Variants in SFT2D2 observed in about 807,000 individuals in gnomAD.
SFT2D2 encodes SFT2 domain containing 2.
In SFT2D2, 21 loss-of-function variants were observed where a neutral mutation model predicts 27.4. The observed-to-expected ratio is 0.77, with a 90% CI of 0.54 to 1.10. The LOEUF is 1.10. SFT2D2 is among the 50% of genes least tolerant of loss of function. The pLI is 0.00. For missense variants in SFT2D2, 187 were observed against 194.2 expected (o/e 0.96, Z 0.22); for synonymous variants, 72 against 71.7 (o/e 1.00, Z -0.02).
At chr1:168,226,492 C>G (rs1222632171) in intron 1 of SFT2D2, among the ~76,000 whole-genome samples, 2 of 152,112 alleles carry the variant, frequency 1.3e-5, no homozygotes, top group African/African-American at 2.4e-5. Flanking sequence ...CTGGGGGCCC[C>G]GAGGTCCAGG....
At position 168,245,254 on chromosome 1, in the gene SFT2D2, C is replaced by T. The variant is rs1311579514; in HGVS notation, c.*2714C>T. On this transcript the variant is annotated 3_prime_UTR_variant, in exon 8 of 8. Transcript: ENST00000271375. The stretch of plus-strand genomic sequence containing the variant: ...TACTGAAACCAGCAAGTGAGTTTCG[C>T]AACACAGCAGGATATATAATTGATA... The T allele has an allele frequency of 4.6e-5, 7 of 152,122 alleles. No individual in the cohort carries two copies. Among genetic ancestry groups the T allele is most frequent in the Admixed American group, 4.6e-4 (7 of 15,278 alleles). 9.4% of individuals were successfully genotyped at this position (152,122 alleles called of 1,614,324 possible).
rs1647780895 is a variant in SFT2D2 at position 168,245,382 on chromosome 1, G to A, written c.*2842G>A. On this transcript the variant is annotated 3_prime_UTR_variant, in exon 8 of 8. Transcript: ENST00000271375. ...ATAGCATTAAAATATAAAATTCTTG[G>A]GAATAAACCCGACAAACTATGTGGA... 1 of 151,838 alleles carries A rather than the reference G, an allele frequency of 6.6e-6. No individual in the cohort carries two copies. The highest frequency in any genetic ancestry group is 2.1e-4 in the South Asian group (1 of 4,814). 9.4% of individuals were successfully genotyped at this position (151,838 alleles called of 1,614,324 possible). A position where few individuals can be genotyped will look rare whatever the true frequency, so the allele number is the denominator to read the frequency against.
chr1:168,246,429 T>TG lies in SFT2D2; in HGVS notation c.*3890dup. On this transcript the variant is annotated 3_prime_UTR_variant, in exon 8 of 8. Transcript: ENST00000271375. ...GTACATTTTTTCAATGTCCTTCATT[T>TG]GACACCGTTTGGTTTAGCTCTCTTT... The TG allele has an allele frequency of 9.6e-7, 1 of 1,037,302 alleles. No individual in the cohort carries two copies. Among genetic ancestry groups the TG allele is most frequent in the Non-Finnish European group, 1.3e-6 (1 of 746,396 alleles). 64.3% of individuals were successfully genotyped at this position (1,037,302 alleles called of 1,614,324 possible).
intron 6 of SFT2D2, 54 bp downstream of exon 6, chr1:168,236,824 C>G: frequency 6.4e-7 from 1 of 1,570,082 alleles, no homozygotes; most frequent in Non-Finnish European, 8.8e-7. Context: ...ATAATGTAGC[C>G]AAAGGAGATA....
intron 1 of SFT2D2, among the ~76,000 whole-genome samples, chr1:168,226,463 G>T (rs374804003): frequency 6.6e-6 from 1 of 152,212 alleles, no homozygotes; most frequent in Admixed American, 6.5e-5. Context: ...CGGGGAATGC[G>T]CTTTAGGGCC....
At position 168,235,232 on chromosome 1, in the gene SFT2D2, A is replaced by G. The variant is rs1314880427; in HGVS notation, c.318+50A>G. 3 of 1,531,650 alleles carry G rather than the reference A, an allele frequency of 2.0e-6. No individual in the cohort carries two copies. The Admixed American group carries it at 5.1e-5, about 26-fold the overall frequency. 94.9% of individuals were successfully genotyped at this position (1,531,650 alleles called of 1,614,324 possible). On this transcript the variant is annotated intron_variant, in intron 4 of 7. Transcript: ENST00000271375. ...TTCTCAGATGGGAGTTTTTATTTCT[A>G]TTGTATAGGATGTTTTTCTTTTTAA... is the stretch of plus-strand genomic sequence containing the variant.
chr1:168,245,516 C>G lies in SFT2D2; in HGVS notation c.*2976C>G, dbSNP rs995131897. On this transcript the variant is annotated 3_prime_UTR_variant, in exon 8 of 8. Coordinates refer to ENST00000271375, the MANE Select transcript of SFT2D2 (RefSeq NM_199344.3). ...AACATTGTTGATGTTAATTCTTTCC[C>G]ATATTAATCTATAGATATAATGCAG... is the stretch of plus-strand genomic sequence containing the variant. The G allele has an allele frequency of 1.3e-5, 2 of 149,476 alleles. No homozygotes were observed. The highest frequency in any genetic ancestry group is 3.0e-5 in the Non-Finnish European group (2 of 67,684). 9.3% of individuals were successfully genotyped at this position (149,476 alleles called of 1,614,324 possible).
At chr1:168,236,685 C>G in intron 5 of SFT2D2, 27 bp from the exon 6 acceptor site, 1 of 1,613,858 alleles carries the variant, frequency 6.2e-7, no homozygotes, top group Non-Finnish European at 8.5e-7. Context: ...CTCACACTCT[C>G]CTATAACCAT....
In SFT2D2 at chr1:168,245,424, A is replaced by G. The variant is rs1254927405; in HGVS notation, c.*2884A>G. ...CTATGTGGATTATCTGTACACTGAT[A>G]ACTAAAAAGCATTGCTAAGAAAAAT... On this transcript the variant is annotated 3_prime_UTR_variant, in exon 8 of 8. Transcript: ENST00000271375. 6.6e-6 allele frequency: 1 copy of G among 152,240 alleles called. No homozygotes were observed. The highest frequency in any genetic ancestry group is 1.5e-5 in the Non-Finnish European group (1 of 68,050). The allele number at this position is 152,240 out of a possible 1,614,324, so 9.4% of individuals were successfully genotyped here.
At chr1:168,227,281 T>C (rs550775392) in intron 1 of SFT2D2, among the ~76,000 whole-genome samples, 8 of 152,348 alleles carry the variant, frequency 5.3e-5, no homozygotes, top group East Asian at 1.9e-4. Context: ...TTCTTTAGCC[T>C]CCGTTCCCCA....
At chr1:168,236,032 T>C (rs1413407315) in intron 4 of SFT2D2, among the ~76,000 whole-genome samples, 1 of 152,206 alleles carries the variant, frequency 6.6e-6, no homozygotes, top group African/African-American at 2.4e-5. Flanking sequence ...AAGAAAGGCA[T>C]GGCTGACTGC....
At position 168,245,628 on chromosome 1, in the gene SFT2D2, A is replaced by G. The variant is rs564370845; in HGVS notation, c.*3088A>G. 4.2e-5 allele frequency: 6 copies of G among 142,494 alleles called. No individual in the cohort carries two copies. The East Asian group carries it at 1.3e-3, about 30-fold the overall frequency. 8.8% of individuals were successfully genotyped at this position (142,494 alleles called of 1,614,324 possible). A position where few individuals can be genotyped will look rare whatever the true frequency, so the allele number is the denominator to read the frequency against. The stretch of plus-strand genomic sequence containing the variant: ...TTAAGATTCACATGGCATGCAGATG[A>G]TCTAGAAGATCCACAGTAACTCTCC... On this transcript the variant is annotated 3_prime_UTR_variant, in exon 8 of 8. Coordinates refer to ENST00000271375, the MANE Select transcript of SFT2D2 (RefSeq NM_199344.3).
chr1:168,250,510 G>A lies in SFT2D2; in HGVS notation c.*7970G>A, dbSNP rs1298960943. 6.6e-6 allele frequency: 1 copy of A among 152,266 alleles called. No individual in the cohort carries two copies. The highest frequency in any genetic ancestry group is 2.4e-5 in the African/African-American group (1 of 41,422). 9.4% of individuals were successfully genotyped at this position (152,266 alleles called of 1,614,324 possible). Reference sequence around the variant, plus strand: ...AATAAGGTGACTCTTTTGCAGATTGGAATATGGTGCTCAGCCAGCCATATG... The same window carrying A: ...AATAAGGTGACTCTTTTGCAGATTGAAATATGGTGCTCAGCCAGCCATATG... On this transcript the variant is annotated 3_prime_UTR_variant, in exon 8 of 8. Transcript: ENST00000271375.
chr1:168,226,328 C>T (rs563449827), intron 1 of SFT2D2, among the ~76,000 whole-genome samples, 186 bp downstream of exon 1: 18 of 152,012 alleles, frequency 1.2e-4, no homozygotes, highest in African/African-American at 4.3e-4. Context: ...GCCGCGGCGT[C>T]CTTTTCTGCC....
chr1:168,228,466 T>C (rs922494865), intron 1 of SFT2D2, among the ~76,000 whole-genome samples: 10 of 152,250 alleles, frequency 6.6e-5, no homozygotes, highest in African/African-American at 2.2e-4. Flanking sequence ...TTATAAAATT[T>C]GCATGGCAGT....
chr1:168,235,239 A>G lies in SFT2D2; in HGVS notation c.318+57A>G, dbSNP rs1431731258. The G allele has an allele frequency of 5.9e-6, 9 of 1,521,686 alleles. No individual in the cohort carries two copies. The South Asian group carries it at 6.8e-5, about 11-fold the overall frequency. 94.3% of individuals were successfully genotyped at this position (1,521,686 alleles called of 1,614,324 possible). ...ATGGGAGTTTTTATTTCTATTGTAT[A>G]GGATGTTTTTCTTTTTAAATCTAAA... On this transcript the variant is annotated intron_variant, in intron 4 of 7. Coordinates refer to ENST00000271375, the MANE Select transcript of SFT2D2 (RefSeq NM_199344.3).
At chr1:168,236,184 A>G (rs1195033152) in intron 4 of SFT2D2, among the ~76,000 whole-genome samples, 3 of 152,224 alleles carry the variant, frequency 2.0e-5, no homozygotes, top group Non-Finnish European at 4.4e-5. Flanking sequence ...TGTGAGATTG[A>G]TATCTCAGGT....
At chr1:168,236,852 GT>G (rs1647518309) in intron 6 of SFT2D2, 82 bp downstream of exon 6, 2 of 1,457,586 alleles carry the variant, frequency 1.4e-6, no homozygotes, top group South Asian at 1.2e-5. Context: ...CATATTGTGG[GT>G]GGGAGAATTA....
intron 1 of SFT2D2, 63 bp downstream of exon 1, chr1:168,226,205 G>A (rs1248682994): frequency 2.7e-6 from 4 of 1,456,654 alleles, no homozygotes; most frequent in Admixed American, 4.8e-5. Context: ...CCCCTGCCCG[G>A]GCCTGGGAAG....
Sources: gnomAD v4.1 joint callset for allele counts (sites outside exome capture counted in the v4.1 genomes callset) on GRCh38, gnomAD v4.1.1 for gene constraint, MANE v1.5 for transcripts, NCBI Gene and HGNC (gene_info 2026-07-23, HGNC 2026-07-21) for gene names.